Variants in SPATA16 observed in about 807,000 individuals in gnomAD.
SPATA16 encodes spermatogenesis associated 16.
A neutral mutation model predicts 63.3 loss-of-function variants in SPATA16; 36 were observed. The ratio of observed to expected loss-of-function variants is 0.57; its 90% CI spans 0.44 to 0.75. The LOEUF is 0.75. Ranked by LOEUF, SPATA16 falls within the 30% of genes least tolerant of loss-of-function variation. The pLI is 0.00. For missense variants in SPATA16, 646 were observed against 679.3 expected (o/e 0.95, Z 0.54); for synonymous variants, 203 against 216.7 (o/e 0.94, Z 0.56).
At chr3:172,961,674 G>A (rs1733788691) in intron 5 of SPATA16, among the ~76,000 whole-genome samples, 1 of 152,126 alleles carries the variant, frequency 6.6e-6, no homozygotes, top group Non-Finnish European at 1.5e-5. Flanking sequence ...GATTACAGGC[G>A]TGAGCCACCA....
intron 4 of SPATA16, among the ~76,000 whole-genome samples, chr3:173,010,582 G>A (rs1005088637): frequency 6.6e-6 from 1 of 152,162 alleles, no homozygotes; most frequent in Non-Finnish European, 1.5e-5. Context: ...GGAACAGAAA[G>A]CCTAAGTACT....
intron 3 of SPATA16, among the ~76,000 whole-genome samples, chr3:173,028,013 C>CCCTCCCTCCCTTCTTTCCTTCCTT (rs1560100953): frequency 1.7e-4 from 6 of 35,036 alleles, no homozygotes; most frequent in African/African-American, 6.3e-4. Flanking sequence ...CTCCCTCCCT[C>CCCTCCCTCCCTTCTTTCCTTCCTT]CCTTCCTTCT....
At chr3:173,048,915 G>A (rs1469276185) in intron 3 of SPATA16, 34 bp downstream of exon 3, 3 of 1,612,440 alleles carry the variant, frequency 1.9e-6, no homozygotes, top group African/African-American at 1.3e-5. Context: ...AGCATGAACA[G>A]CATTTACTTG....
intron 2 of SPATA16, among the ~76,000 whole-genome samples, chr3:173,079,172 A>C (rs561283791): frequency 1.6e-4 from 24 of 152,318 alleles, no homozygotes; most frequent in African/African-American, 5.5e-4. Context: ...ACTGACAGTG[A>C]GTTGATATAG....
At chr3:172,936,218 G>A (rs1378149245) in intron 6 of SPATA16, among the ~76,000 whole-genome samples, 1 of 152,106 alleles carries the variant, frequency 6.6e-6, no homozygotes, top group Non-Finnish European at 1.5e-5. Flanking sequence ...GGATGGGGCT[G>A]GTCACTAGAA....
At position 172,889,633 on chromosome 3, in the gene SPATA16, T is replaced by C. The variant is rs1300493483; in HGVS notation, c.1647A>G (p.Lys549=). Residue 549 remains lysine, a synonymous_variant, in exon 11 of 11, where the codon AAA becomes AAG. Coordinates refer to ENST00000351008, the MANE Select transcript of SPATA16 (RefSeq NM_031955.6). ...TTTTTTGCCTTCGAGCAGTTCTCAG[T>C]TTTTTAGTTTTTAAGAAACTGTCCT... ...QLEDSFLKTK[K]LRTARRQKTK... 1.2e-6 allele frequency: 2 copies of C among 1,613,806 alleles called. No individual in the cohort carries two copies. The highest frequency in any genetic ancestry group is 1.3e-5 in the African/African-American group (1 of 75,050).
At chr3:172,911,083 GCTT>G (rs1233305781) in intron 10 of SPATA16, among the ~76,000 whole-genome samples, 7 of 152,206 alleles carry the variant, frequency 4.6e-5, no homozygotes, top group African/African-American at 1.4e-4. Flanking sequence ...GAAGGGACTT[GCTT>G]CTTCTTTGCT....
At position 173,033,671 on chromosome 3, in the gene SPATA16, T is replaced by C. The variant is rs1327151892; in HGVS notation, c.759-14096A>G. On this transcript the variant is annotated intron_variant, in intron 3 of 10. Transcript: ENST00000351008. ...GTTGAGTTTCACATGTTTTTTTCCA[T>C]TCGCTGTGTTACTTGGGTGAGGTTT... Among the ~76,000 whole-genome samples the C allele has an allele frequency of 3.9e-5, 6 of 152,180 alleles. No individual in the cohort carries two copies. The East Asian group carries it at 1.2e-3, about 29-fold the overall frequency.
At chr3:172,983,404 A>G (rs2108255895) in intron 4 of SPATA16, among the ~76,000 whole-genome samples, 2 of 147,974 alleles carry the variant, frequency 1.4e-5, no homozygotes, top group African/African-American at 5.0e-5. Flanking sequence ...TCTTCCTTCT[A>G]CAATTGGAAA....
intron 1 of SPATA16, among the ~76,000 whole-genome samples, chr3:173,121,354 A>G (rs1467643816): frequency 6.6e-6 from 1 of 152,064 alleles, no homozygotes; most frequent in African/African-American, 2.4e-5. Flanking sequence ...TTTCAGCCTT[A>G]TTTAGCACTT....
At chr3:173,099,952 G>A (rs1364590221) in intron 2 of SPATA16, among the ~76,000 whole-genome samples, 1 of 152,130 alleles carries the variant, frequency 6.6e-6, no homozygotes, top group Non-Finnish European at 1.5e-5. Flanking sequence ...GGCAGCAACT[G>A]TGTGATTCCC....
intron 2 of SPATA16, among the ~76,000 whole-genome samples, chr3:173,050,130 T>G (rs1478024268): frequency 6.6e-6 from 1 of 152,186 alleles, no homozygotes; most frequent in Non-Finnish European, 1.5e-5. Context: ...TTTTATAGGT[T>G]AAGTCTTGAG....
intron 8 of SPATA16, among the ~76,000 whole-genome samples, chr3:172,919,492 G>A (rs1386955751): frequency 6.6e-6 from 1 of 152,122 alleles, no homozygotes; most frequent in East Asian, 1.9e-4. Flanking sequence ...GGAAACCAGG[G>A]TCAGAAGTGT....
At chr3:172,949,657 A>C (rs1274060444) in intron 6 of SPATA16, among the ~76,000 whole-genome samples, 1 of 152,096 alleles carries the variant, frequency 6.6e-6, no homozygotes, top group Non-Finnish European at 1.5e-5. Flanking sequence ...TTGAGCACTT[A>C]CCTCACTCAT....
chr3:172,902,497 T>C (rs970280532), intron 10 of SPATA16, among the ~76,000 whole-genome samples: 4 of 152,358 alleles, frequency 2.6e-5, no homozygotes, highest in African/African-American at 9.6e-5. Context: ...TGAATCAGTT[T>C]GACCAGTTGC....
chr3:173,008,233 A>C (rs1236006270), intron 4 of SPATA16, among the ~76,000 whole-genome samples: 1 of 152,160 alleles, frequency 6.6e-6, no homozygotes, highest in Non-Finnish European at 1.5e-5. Context: ...AGTTTGCCGA[A>C]TGACCAGTTT....
intron 4 of SPATA16, among the ~76,000 whole-genome samples, chr3:172,985,159 T>C (rs1734417501): frequency 6.6e-6 from 1 of 152,216 alleles, no homozygotes; most frequent in Non-Finnish European, 1.5e-5. Context: ...CATGCTTGTC[T>C]CACTAGCAGA....
At chr3:172,963,642 C>G (rs1274283358) in intron 5 of SPATA16, among the ~76,000 whole-genome samples, 7 of 152,052 alleles carry the variant, frequency 4.6e-5, no homozygotes, top group Non-Finnish European at 4.4e-5. Flanking sequence ...TAAATAACTT[C>G]TGCACTTAAT....
intron 2 of SPATA16, among the ~76,000 whole-genome samples, chr3:173,070,649 C>A (rs7632363): frequency 0.19 from 28,338 of 151,952 alleles, 3,023 homozygotes; most frequent in African/African-American, 0.29. Context: ...TACAAAAGTC[C>A]GAAGCATTTC....
Sources: allele counts gnomAD v4.1 joint callset (sites outside exome capture counted in the v4.1 genomes callset), GRCh38; gene constraint gnomAD v4.1.1; transcripts MANE v1.5; gene names NCBI Gene and HGNC (gene_info 2026-07-23, HGNC 2026-07-21).